Variants in CFAP95 observed in about 807,000 individuals in gnomAD.
CFAP95 encodes cilia and flagella associated protein 95.
the CFAP95 span, chr9:69,820,966 C>T: frequency 1.2e-6 from 2 of 1,613,980 alleles, no homozygotes; most frequent in Non-Finnish European, 8.5e-7. Context: ...TGGTGGAGCG[C>T]AAGGGCTCCC....
chr9:69,900,491 G>C, the CFAP95 span, among the ~76,000 whole-genome samples: 3 of 152,326 alleles, frequency 2.0e-5, no homozygotes, highest in East Asian at 1.9e-4. Context: ...TGGCATTAGT[G>C]GCCAAACTTT....
At chr9:69,867,095 G>T in the CFAP95 span, among the ~76,000 whole-genome samples, 3 of 152,344 alleles carry the variant, frequency 2.0e-5, no homozygotes, top group Non-Finnish European at 2.9e-5. Context: ...CGAGGAGGTG[G>T]GATATCTGGT....
the CFAP95 span, among the ~76,000 whole-genome samples, chr9:69,896,786 G>C: frequency 1.5e-4 from 23 of 152,262 alleles, no homozygotes; most frequent in South Asian, 4.8e-3. Flanking sequence ...GCTTTGGGAG[G>C]CTTGAGATGG....
chr9:69,864,531 A>G, the CFAP95 span, among the ~76,000 whole-genome samples: 1 of 152,052 alleles, frequency 6.6e-6, no homozygotes, highest in African/African-American at 2.4e-5. Flanking sequence ...GTCCTTTCCC[A>G]CTCTAAAATT....
chr9:69,844,505 T>C, the CFAP95 span: 1 of 1,568,900 alleles, frequency 6.4e-7, no homozygotes, highest in South Asian at 1.2e-5. Context: ...GGACTCCTAA[T>C]TTTTTCTTAA....
chr9:69,845,612 T>C, the CFAP95 span, among the ~76,000 whole-genome samples: 13 of 152,142 alleles, frequency 8.5e-5, no homozygotes, highest in Non-Finnish European at 1.6e-4. Context: ...TCCTTTCCTC[T>C]TATAGTTGCA....
the CFAP95 span, among the ~76,000 whole-genome samples, chr9:69,827,482 T>C: frequency 6.6e-6 from 1 of 152,228 alleles, no homozygotes; most frequent in East Asian, 1.9e-4. Context: ...TAGGTTAAAA[T>C]AGTCTCGTTC....
At chr9:69,905,250 AACATTGTCCT>A in the CFAP95 span, among the ~76,000 whole-genome samples, 8 of 152,306 alleles carry the variant, frequency 5.3e-5, no homozygotes, top group Non-Finnish European at 1.2e-4. Flanking sequence ...ATTTAATTTC[AACATTGTCCT>A]AGTGCTTTAA....
the CFAP95 span, among the ~76,000 whole-genome samples, chr9:69,878,713 T>C: frequency 6.6e-6 from 1 of 152,208 alleles, no homozygotes; most frequent in Non-Finnish European, 1.5e-5. Flanking sequence ...GTGATTCTGG[T>C]CTATTTTTGT....
At chr9:69,880,681 T>C in the CFAP95 span, among the ~76,000 whole-genome samples, 1 of 152,198 alleles carries the variant, frequency 6.6e-6, no homozygotes, top group Non-Finnish European at 1.5e-5. Flanking sequence ...TACCCAGCAG[T>C]GGGATTGCTG....
chr9:69,829,310 T>C, the CFAP95 span, among the ~76,000 whole-genome samples: 1 of 152,210 alleles, frequency 6.6e-6, no homozygotes. Flanking sequence ...TCCAGTGCTG[T>C]TTTCTTTTAT....
chr9:69,842,251 G>C, the CFAP95 span, among the ~76,000 whole-genome samples: 38 of 152,290 alleles, frequency 2.5e-4, no homozygotes, highest in African/African-American at 9.1e-4. Context: ...AGCCCAGGAG[G>C]ATGGAGACCT....
the CFAP95 span, chr9:69,885,139 C>T: frequency 6.6e-6 from 1 of 152,232 alleles, no homozygotes; most frequent in Non-Finnish European, 1.5e-5. Context: ...AACAGCCCGT[C>T]TAAGTTGGAC....
At chr9:69,834,905 A>G in the CFAP95 span, among the ~76,000 whole-genome samples, 1 of 152,230 alleles carries the variant, frequency 6.6e-6, no homozygotes, top group Non-Finnish European at 1.5e-5. Flanking sequence ...TGATTCTGCA[A>G]ATACACCTGA....
the CFAP95 span, among the ~76,000 whole-genome samples, chr9:69,832,309 G>T: frequency 1.6e-4 from 24 of 152,128 alleles, no homozygotes; most frequent in Admixed American, 2.0e-4. Context: ...AGATTGCATG[G>T]TTTTTTAATT....
At chr9:69,880,342 C>T in the CFAP95 span, among the ~76,000 whole-genome samples, 1 of 152,182 alleles carries the variant, frequency 6.6e-6, no homozygotes, top group Non-Finnish European at 1.5e-5. Flanking sequence ...CATCCTTCTA[C>T]TCCCTATGTC....
chr9:69,833,367 G>T, the CFAP95 span, among the ~76,000 whole-genome samples: 2 of 151,944 alleles, frequency 1.3e-5, no homozygotes, highest in African/African-American at 4.8e-5. Flanking sequence ...TTAATAATAC[G>T]TCATTATGTA....
At chr9:69,889,837 C>T in the CFAP95 span, among the ~76,000 whole-genome samples, 1 of 151,984 alleles carries the variant, frequency 6.6e-6, no homozygotes, top group Admixed American at 6.6e-5. Context: ...ATAGATAGTT[C>T]TTAGTGTCTT....
chr9:69,873,869 T>C, the CFAP95 span, among the ~76,000 whole-genome samples: 1 of 152,236 alleles, frequency 6.6e-6, no homozygotes, highest in Non-Finnish European at 1.5e-5. Flanking sequence ...CAGTCACATA[T>C]GTTACCACTG....
Sources: allele counts gnomAD v4.1 joint callset (sites outside exome capture counted in the v4.1 genomes callset), GRCh38; gene constraint gnomAD v4.1.1; transcripts MANE v1.5; gene names NCBI Gene and HGNC (gene_info 2026-07-23, HGNC 2026-07-21).